The following TBC1D19 variants were observed in gnomAD, a reference collection of about 807,000 sequenced individuals.
TBC1D19 encodes TBC1 domain family, member 19.
Under a neutral mutation model 89.0 loss-of-function variants are expected in TBC1D19, and 60 were observed. The observed-to-expected ratio is 0.67, with a 90% CI of 0.55 to 0.84. The LOEUF is 0.84. TBC1D19 is among the 40% of genes least tolerant of loss of function. The probability of loss-of-function intolerance (pLI) is 0.00; values close to 1 mark genes in which losing one functional copy is unlikely to be tolerated. For missense variants in TBC1D19, 500 were observed against 610.8 expected (o/e 0.82, Z 1.91); for synonymous variants, 189 against 199.7 (o/e 0.95, Z 0.45).
chr4:26,834,146 C>T, the TBC1D19 span, among the ~76,000 whole-genome samples: 1 of 152,196 alleles, frequency 6.6e-6, no homozygotes, highest in Non-Finnish European at 1.5e-5. Flanking sequence ...TTCCCCTTTG[C>T]CTTCTGCCAT....
At chr4:26,582,991 G>A (rs1356178750), upstream of TBC1D19, among the ~76,000 whole-genome samples, 1 of 152,234 alleles carries the variant, frequency 6.6e-6, no homozygotes, top group Non-Finnish European at 1.5e-5. Flanking sequence ...CGGTTTACCA[G>A]TTCTCACCAG....
chr4:26,590,796 GTTTTTTTT>G (rs869124166), intron 1 of TBC1D19, among the ~76,000 whole-genome samples: 15 of 52,960 alleles, frequency 2.8e-4, no homozygotes, highest in South Asian at 8.3e-4. Context: ...TTGCAGGTCT[GTTTTTTTT>G]TTTTTTTTTT....
chr4:26,773,018 C>T, the TBC1D19 span, among the ~76,000 whole-genome samples: 4 of 152,146 alleles, frequency 2.6e-5, no homozygotes, highest in African/African-American at 9.7e-5. Flanking sequence ...ATCTCTGTCT[C>T]TGGGTCTTTG....
At chr4:26,652,336 C>A (rs1744452361) in intron 7 of TBC1D19, among the ~76,000 whole-genome samples, 1 of 152,162 alleles carries the variant, frequency 6.6e-6, no homozygotes, top group Non-Finnish European at 1.5e-5. Context: ...GTGAATCCAT[C>A]TGGTCCTGGA....
At chr4:26,756,966 G>T (rs1203725563), downstream of TBC1D19, among the ~76,000 whole-genome samples, 4 of 151,746 alleles carry the variant, frequency 2.6e-5, no homozygotes, top group Admixed American at 6.6e-5. Flanking sequence ...CTGTGCTCTT[G>T]GCTGCTTGTT....
At chr4:26,828,190 G>C in the TBC1D19 span, among the ~76,000 whole-genome samples, 17 of 152,126 alleles carry the variant, frequency 1.1e-4, no homozygotes, top group Non-Finnish European at 4.4e-5. Flanking sequence ...TGAACACAAG[G>C]GATGCCCATT....
intron 19 of TBC1D19, among the ~76,000 whole-genome samples, chr4:26,750,850 G>T (rs185667778): frequency 6.0e-4 from 91 of 152,200 alleles, no homozygotes; most frequent in African/African-American, 2.0e-3. Context: ...GTATACTTTT[G>T]GTATGAGTAT....
the TBC1D19 span, among the ~76,000 whole-genome samples, chr4:26,824,756 G>C: frequency 6.6e-6 from 1 of 151,556 alleles, no homozygotes; most frequent in South Asian, 2.1e-4. Flanking sequence ...CATATTTCTG[G>C]ACATTCCTTA....
intron 4 of TBC1D19, 148 bp from the exon 5 acceptor site, chr4:26,637,063 A>G (rs1381617350): frequency 1.7e-6 from 1 of 580,322 alleles, no homozygotes; most frequent in African/African-American, 1.9e-5. Context: ...AGTAGGCAAT[A>G]GTCAGTATTT....
In TBC1D19 at chr4:26,753,420, AG is replaced by A. The variant is rs376957764; in HGVS notation, c.1436-398del. ...TGAGGCAGGACAATCACTTGAGCAC[AG>A]GAATTCAAGACCAGCCTAGGCAACA... On this transcript the variant is annotated intron_variant, in intron 19 of 20. Coordinates refer to ENST00000264866, the MANE Select transcript of TBC1D19 (RefSeq NM_018317.4). Among the ~76,000 whole-genome samples, 40 of 152,328 alleles carry A rather than the reference AG, an allele frequency of 2.6e-4. No individual in the cohort carries two copies. In the East Asian group the frequency reaches 5.0e-3, roughly 19 times the overall value.
intron 13 of TBC1D19, among the ~76,000 whole-genome samples, chr4:26,716,738 A>G (rs1167266913): frequency 1.3e-5 from 2 of 152,074 alleles, no homozygotes; most frequent in Non-Finnish European, 2.9e-5. Context: ...ATATACCTCA[A>G]ATTATTAAGA....
At chr4:26,707,151 G>T (rs1202967156) in intron 13 of TBC1D19, among the ~76,000 whole-genome samples, 1 of 151,892 alleles carries the variant, frequency 6.6e-6, no homozygotes, top group Non-Finnish European at 1.5e-5. Context: ...GAAGTCCACT[G>T]TTACACTAGA....
the TBC1D19 span, among the ~76,000 whole-genome samples, chr4:26,813,124 G>A: frequency 1.8e-4 from 27 of 152,110 alleles, no homozygotes; most frequent in African/African-American, 5.8e-4. Context: ...GGAGGCTGAG[G>A]TGGGAGGATC....
At chr4:26,798,904 GT>G in the TBC1D19 span, among the ~76,000 whole-genome samples, 1 of 151,734 alleles carries the variant, frequency 6.6e-6, no homozygotes, top group Non-Finnish European at 1.5e-5. Context: ...GGGGATGAGG[GT>G]TGAAAAAAAA....
Position 26,719,976 on chromosome 4 carries a change from T to C in TBC1D19, c.1040-105T>C, listed in dbSNP as rs1331752657. 5 of 838,858 alleles carry C rather than the reference T, an allele frequency of 6.0e-6. No homozygotes were observed. In the East Asian group the frequency reaches 1.4e-4, roughly 23 times the overall value. 52.0% of individuals were successfully genotyped at this position (838,858 alleles called of 1,614,324 possible). A position where few individuals can be genotyped will look rare whatever the true frequency, so the allele number is the denominator to read the frequency against. The stretch of plus-strand genomic sequence containing the variant: ...TATCATGAAATGACATATCAGTTTA[T>C]AGTAGTTTTTAAAATTCCGTTGTTA... On this transcript the variant is annotated intron_variant, in intron 14 of 20. Coordinates refer to ENST00000264866, the MANE Select transcript of TBC1D19 (RefSeq NM_018317.4).
At chr4:26,601,523 A>G (rs1384399112) in intron 1 of TBC1D19, among the ~76,000 whole-genome samples, 1 of 152,236 alleles carries the variant, frequency 6.6e-6, no homozygotes, top group Admixed American at 6.5e-5. Context: ...ATAGCACTCA[A>G]GGTGACAAGA....
intron 16 of TBC1D19, among the ~76,000 whole-genome samples, chr4:26,739,225 A>G (rs1220378516): frequency 2.0e-5 from 3 of 152,190 alleles, no homozygotes; most frequent in Non-Finnish European, 4.4e-5. Flanking sequence ...AGCTGTGCTT[A>G]ATTGCTACAA....
At chr4:26,798,448 G>A in the TBC1D19 span, among the ~76,000 whole-genome samples, 1 of 152,172 alleles carries the variant, frequency 6.6e-6, no homozygotes, top group African/African-American at 2.4e-5. Flanking sequence ...ATACACTGAT[G>A]ATGGGAATGT....
rs1238603910 is a variant in TBC1D19, at chr4:26,613,237, A to G, written c.168A>G (p.Ile56Met). ...AAGATATTAAGGAATTCTTTAAAAT[A>G]TCAGGTTTGTAAGTTTTTCCTAATA... Reference protein sequence around the residue: ...LKEDIKEFFKISGWEKKLQNA... With the variant: ...LKEDIKEFFKMSGWEKKLQNA... Residue 56 changes from isoleucine to methionine, a missense_variant, in exon 2 of 21, where the codon ATA becomes ATG. Ile to Met is a conservative substitution (Grantham distance 10). Coordinates refer to ENST00000264866, the MANE Select transcript of TBC1D19 (RefSeq NM_018317.4). 1 of 1,560,616 alleles carries G rather than the reference A, an allele frequency of 6.4e-7. No homozygotes were observed. Among genetic ancestry groups the G allele is most frequent in the East Asian group, 2.3e-5 (1 of 43,590 alleles).
Sources: allele counts gnomAD v4.1 joint callset (sites outside exome capture counted in the v4.1 genomes callset), GRCh38; gene constraint gnomAD v4.1.1; transcripts MANE v1.5; gene names NCBI Gene and HGNC (gene_info 2026-07-23, HGNC 2026-07-21).